LHFPL3: variants seen among roughly 807,000 people sequenced by gnomAD.
LHFPL3 encodes the protein LHFPL tetraspan subfamily member 3, also known as LHFPL tetraspan subfamily member 3 protein.
In LHFPL3, 5 loss-of-function variants were observed where a neutral mutation model predicts 19.3. That is an observed-to-expected ratio of 0.26 (90% confidence interval 0.14 to 0.54). The LOEUF (loss-of-function observed/expected upper bound fraction) is 0.54, where lower values mean the gene tolerates loss of function less well. Among genes scored for constraint, LHFPL3 ranks in the 20% least tolerant of loss-of-function variants. The pLI is 0.94. For missense variants in LHFPL3, 249 were observed against 307.4 expected (o/e 0.81, Z 1.42); for synonymous variants, 133 against 126.2 (o/e 1.05, Z -0.36).
intron 1 of LHFPL3, among the ~76,000 whole-genome samples, chr7:104,424,981 C>CAAAAAAAAAA (rs1162810968): frequency 1.7e-5 from 1 of 58,030 alleles, no homozygotes; most frequent in South Asian, 5.7e-4. Flanking sequence ...GACTCCATCT[C>CAAAAAAAAAA]ATAAAAAAAA....
intron 1 of LHFPL3, among the ~76,000 whole-genome samples, chr7:104,370,072 A>G (rs1790580881): frequency 6.6e-6 from 1 of 152,220 alleles, no homozygotes; most frequent in African/African-American, 2.4e-5. Flanking sequence ...AAAGAACACA[A>G]ATGTTTCACA....
At chr7:104,828,291 G>A (rs928160107) in intron 2 of LHFPL3, among the ~76,000 whole-genome samples, 1 of 151,890 alleles carries the variant, frequency 6.6e-6, no homozygotes, top group African/African-American at 2.4e-5. Context: ...CAGGGCTCCT[G>A]AGTCTCTGTC....
At chr7:104,855,488 T>C (rs577183175) in intron 2 of LHFPL3, among the ~76,000 whole-genome samples, 1 of 152,298 alleles carries the variant, frequency 6.6e-6, no homozygotes, top group East Asian at 1.9e-4. Flanking sequence ...ATTTCTTCCT[T>C]TCATCCAGAG....
At chr7:104,594,401 G>C (rs777320450) in intron 1 of LHFPL3, among the ~76,000 whole-genome samples, 6 of 152,202 alleles carry the variant, frequency 3.9e-5, no homozygotes, top group Non-Finnish European at 1.5e-5. Flanking sequence ...TCTGCTGAGA[G>C]ATCCGCTGTT....
chr7:104,705,689 A>G (rs1793178703), intron 1 of LHFPL3, among the ~76,000 whole-genome samples: 1 of 152,126 alleles, frequency 6.6e-6, no homozygotes, highest in Admixed American at 6.5e-5. Context: ...CCAGGCCATG[A>G]GGTTGAGCAT....
At chr7:104,588,772 T>G (rs932529400) in intron 1 of LHFPL3, among the ~76,000 whole-genome samples, 1 of 152,220 alleles carries the variant, frequency 6.6e-6, no homozygotes, top group Non-Finnish European at 1.5e-5. Flanking sequence ...TTCCATTTAT[T>G]TGTGTCTTCT....
At chr7:104,512,746 A>G (rs1156703650) in intron 1 of LHFPL3, among the ~76,000 whole-genome samples, 2 of 151,802 alleles carry the variant, frequency 1.3e-5, no homozygotes, top group African/African-American at 4.8e-5. Context: ...CAAAAGAAAA[A>G]AAAAAGAGAG....
intron 1 of LHFPL3, among the ~76,000 whole-genome samples, chr7:104,553,726 C>T (rs1214691447): frequency 6.6e-6 from 1 of 152,204 alleles, no homozygotes; most frequent in Admixed American, 6.5e-5. Flanking sequence ...GAGATCACTT[C>T]ACACCCTACA....
rs1232420599 is a variant in LHFPL3 at position 104,819,453 on chromosome 7, C to A, written c.682+82542C>A. ...CACGAGAGCCTCCTATGTGATTACA[C>A]ACAAAAATTCTGACCCTTGTTTCTG... On this transcript the variant is annotated intron_variant, in intron 2 of 2. Transcript: ENST00000424859. 2.6e-5 allele frequency among the ~76,000 whole-genome samples: 4 copies of A among 151,726 alleles called. No individual in the cohort carries two copies. The East Asian group carries it at 7.8e-4, about 29-fold the overall frequency.
intron 2 of LHFPL3, among the ~76,000 whole-genome samples, chr7:104,755,426 T>C (rs1462898284): frequency 1.3e-5 from 2 of 152,152 alleles, no homozygotes; most frequent in Middle Eastern, 3.2e-3. Context: ...CTTCTCATGA[T>C]TGACTAGAAA....
At chr7:104,562,902 A>G (rs898658861) in intron 1 of LHFPL3, among the ~76,000 whole-genome samples, 3 of 151,822 alleles carry the variant, frequency 2.0e-5, no homozygotes, top group African/African-American at 7.3e-5. Context: ...CTTCTAACAG[A>G]GAGGACCCTC....
chr7:104,783,330 A>G (rs772542667), intron 2 of LHFPL3, among the ~76,000 whole-genome samples: 13 of 152,232 alleles, frequency 8.5e-5, no homozygotes, highest in Non-Finnish European at 1.8e-4. Context: ...CTCACAGTAT[A>G]GTACAAATGC....
chr7:104,478,403 T>G (rs1002302316), intron 1 of LHFPL3, among the ~76,000 whole-genome samples: 1 of 152,122 alleles, frequency 6.6e-6, no homozygotes, highest in African/African-American at 2.4e-5. Context: ...GGGGTAGTTT[T>G]GATGTCTGCT....
chr7:104,358,845 T>C (rs752772086), intron 1 of LHFPL3, among the ~76,000 whole-genome samples: 28 of 152,244 alleles, frequency 1.8e-4, no homozygotes, highest in Non-Finnish European at 3.4e-4. Flanking sequence ...TTGAGAGCTG[T>C]GATTTGTGGA....
intron 2 of LHFPL3, among the ~76,000 whole-genome samples, chr7:104,851,830 GC>G (rs1791419770): frequency 1.3e-5 from 2 of 152,018 alleles, no homozygotes; most frequent in Non-Finnish European, 1.5e-5. Flanking sequence ...GATCCACATT[GC>G]CCAGGCACCA....
intron 1 of LHFPL3, among the ~76,000 whole-genome samples, chr7:104,403,573 A>G (rs1046316262): frequency 6.6e-6 from 1 of 152,244 alleles, no homozygotes; most frequent in Non-Finnish European, 1.5e-5. Context: ...CTTTGTATAC[A>G]TTTGTAATTC....
intron 1 of LHFPL3, among the ~76,000 whole-genome samples, chr7:104,442,104 G>A (rs1225124443): frequency 6.6e-6 from 1 of 151,552 alleles, no homozygotes. Context: ...ACAGGTGTGA[G>A]GTGATATATC....
chr7:104,901,348 C>T (rs140853429), intron 2 of LHFPL3, among the ~76,000 whole-genome samples: 45 of 152,232 alleles, frequency 3.0e-4, no homozygotes, highest in African/African-American at 1.0e-3. Flanking sequence ...TATTATTCAG[C>T]CTAAGAGTCT....
chr7:104,411,716 A>G (rs924970167), intron 1 of LHFPL3, among the ~76,000 whole-genome samples: 1 of 152,192 alleles, frequency 6.6e-6, no homozygotes, highest in Non-Finnish European at 1.5e-5. Flanking sequence ...CACACAGCAC[A>G]TACACGAAAA....
Sources: gnomAD v4.1 joint callset for allele counts (sites outside exome capture counted in the v4.1 genomes callset) on GRCh38, gnomAD v4.1.1 for gene constraint, MANE v1.5 for transcripts, NCBI Gene and HGNC (gene_info 2026-07-23, HGNC 2026-07-21) for gene names.